The following NRCAM variants were observed in gnomAD, a reference collection of about 807,000 sequenced individuals.
NRCAM encodes NgCAM-related cell adhesion molecule.
In NRCAM, 83 loss-of-function variants were observed where a neutral mutation model predicts 156.5. The observed-to-expected ratio is 0.53, with a 90% CI of 0.44 to 0.64. The LOEUF (loss-of-function observed/expected upper bound fraction) is 0.64. Among genes scored for constraint, NRCAM ranks in the 30% least tolerant of loss-of-function variants. The pLI is 0.00. For missense variants in NRCAM, 1,417 were observed against 1,597.3 expected (o/e 0.89, Z 1.92); for synonymous variants, 538 against 563.9 (o/e 0.95, Z 0.65).
intron 13 of NRCAM, among the ~76,000 whole-genome samples, chr7:108,204,023 G>A (rs984977200): frequency 2.0e-5 from 3 of 151,998 alleles, no homozygotes; most frequent in East Asian, 1.9e-4. Context: ...TCCTTCCCCC[G>A]TCTCCCAGCC....
At chr7:108,331,175 G>T (rs865957672) in intron 2 of NRCAM, among the ~76,000 whole-genome samples, 1 of 152,144 alleles carries the variant, frequency 6.6e-6, no homozygotes, top group Non-Finnish European at 1.5e-5. Flanking sequence ...GAGGCAGAAA[G>T]ATTGCTTGAG....
chr7:108,285,619 C>T (rs1255084346), intron 3 of NRCAM, among the ~76,000 whole-genome samples: 1 of 152,182 alleles, frequency 6.6e-6, no homozygotes, highest in East Asian at 1.9e-4. Flanking sequence ...CTAGACCAGT[C>T]TCTCCAGACT....
In NRCAM at chr7:108,323,810, CA is replaced by C. The variant is rs148788745; in HGVS notation, c.-173-11080del. 8.3e-3 allele frequency among the ~76,000 whole-genome samples: 1,260 copies of C among 152,078 alleles called. 16 individuals carry two copies. The highest frequency in any genetic ancestry group is 0.029 in the African/African-American group (1,190 of 41,476). On this transcript the variant is annotated intron_variant, in intron 2 of 32. Transcript: ENST00000379028. ...AGAGTGTGAAGATAAAGAGGGGCTG[CA>C]ATTTTAAGTACAATGGTCAGGGAAA...
intron 3 of NRCAM, among the ~76,000 whole-genome samples, chr7:108,268,631 G>GC (rs1563033016): frequency 0.014 from 1,395 of 102,936 alleles, 44 homozygotes; most frequent in Non-Finnish European, 0.019. Context: ...GGGGTGGGGG[G>GC]GGGTTGGGGG....
At chr7:108,445,142 A>G (rs1186011252) in intron 1 of NRCAM, among the ~76,000 whole-genome samples, 1 of 152,220 alleles carries the variant, frequency 6.6e-6, no homozygotes, top group East Asian at 1.9e-4. Context: ...AAAATTATTG[A>G]CTGTCCTTTT....
At chr7:108,158,367 G>GA (rs1301677111) in intron 32 of NRCAM, among the ~76,000 whole-genome samples, 1 of 152,116 alleles carries the variant, frequency 6.6e-6, no homozygotes, top group Non-Finnish European at 1.5e-5. Flanking sequence ...CCTGGAAAAT[G>GA]ATATGAAAAT....
chr7:108,167,395 A>G (rs541152736), intron 29 of NRCAM, among the ~76,000 whole-genome samples: 10 of 152,332 alleles, frequency 6.6e-5, no homozygotes, highest in African/African-American at 2.4e-4. Context: ...AGTTTCTCTA[A>G]AGATGTTTCT....
Position 108,147,770 on chromosome 7 carries a change from G to A in NRCAM, c.*2140C>T, listed in dbSNP as rs918997255. 1 of 152,550 alleles carries A rather than the reference G, an allele frequency of 6.6e-6. No homozygotes were observed. Among genetic ancestry groups the A allele is most frequent in the African/African-American group, 2.4e-5 (1 of 41,422 alleles). 9.4% of individuals were successfully genotyped at this position (152,550 alleles called of 1,614,324 possible). A position where few individuals can be genotyped will look rare whatever the true frequency, so the allele number is the denominator to read the frequency against. On this transcript the variant is annotated 3_prime_UTR_variant, in exon 33 of 33. Transcript: ENST00000379028. ...AATTGGGAACATAAATTACAAAAGAGAGAGGAACTTTTAAAACCACATTTA... is the reference window on the plus strand; with the variant it reads ...AATTGGGAACATAAATTACAAAAGAAAGAGGAACTTTTAAAACCACATTTA...
intron 2 of NRCAM, among the ~76,000 whole-genome samples, chr7:108,385,476 GA>G (rs1296926345): frequency 6.6e-6 from 1 of 152,234 alleles, no homozygotes; most frequent in African/African-American, 2.4e-5. Context: ...GCTCAAATGA[GA>G]AAGGTTTAGG....
chr7:108,304,627 C>A (rs2098688460), intron 3 of NRCAM, among the ~76,000 whole-genome samples: 1 of 152,056 alleles, frequency 6.6e-6, no homozygotes, highest in East Asian at 1.9e-4. Context: ...CCAATGAGAC[C>A]CAAATGACTT....
Position 108,300,160 on chromosome 7 carries a change from C to CTTTTTTTTT in NRCAM, c.-107+12496_-107+12504dup, listed in dbSNP as rs10665036. Reference sequence around the variant, plus strand: ...TAATCCTTCCCCAAATTTCTGTTGACTTTTTTTTTTTTTTTTTTTTTTTTT... The same window carrying CTTTTTTTTT: ...TAATCCTTCCCCAAATTTCTGTTGACTTTTTTTTTTTTTTTTTTTTTTTTTTTTTTTTTT... On this transcript the variant is annotated intron_variant, in intron 3 of 32. Transcript: ENST00000379028. Among the ~76,000 whole-genome samples, 40 of 65,868 alleles carry CTTTTTTTTT rather than the reference C, an allele frequency of 6.1e-4. 3 individuals carry two copies. Among genetic ancestry groups the CTTTTTTTTT allele is most frequent in the African/African-American group, 2.0e-3 (35 of 17,664 alleles). The allele number at this position is 65,868 out of a possible 152,430, so 43.2% of individuals were successfully genotyped here.
At chr7:108,272,919 C>T (rs2097423384) in intron 3 of NRCAM, among the ~76,000 whole-genome samples, 1 of 152,040 alleles carries the variant, frequency 6.6e-6, no homozygotes, top group Non-Finnish European at 1.5e-5. Flanking sequence ...GCCAACAGGC[C>T]CTGGTGTGTG....
At chr7:108,426,022 G>T (rs1816834075) in intron 1 of NRCAM, among the ~76,000 whole-genome samples, 1 of 152,168 alleles carries the variant, frequency 6.6e-6, no homozygotes, top group African/African-American at 2.4e-5. Context: ...ATACAAAGAT[G>T]ACACTAATGC....
intron 11 of NRCAM, among the ~76,000 whole-genome samples, chr7:108,218,081 T>A (rs1234894332): frequency 6.6e-6 from 1 of 151,920 alleles, no homozygotes; most frequent in Non-Finnish European, 1.5e-5. Context: ...GGTCTGTGGA[T>A]TGCAAAGACC....
chr7:108,238,396 G>C (rs988508924), intron 4 of NRCAM, among the ~76,000 whole-genome samples: 4 of 152,136 alleles, frequency 2.6e-5, no homozygotes, highest in Non-Finnish European at 5.9e-5. Flanking sequence ...TCATGTAGTA[G>C]AGAAACGATG....
In NRCAM at chr7:108,265,647, T is replaced by G. The variant is rs899789005; in HGVS notation, c.-106-25477A>C. 3.3e-5 allele frequency among the ~76,000 whole-genome samples: 5 copies of G among 152,378 alleles called. No homozygotes were observed. In the South Asian group the frequency reaches 8.3e-4, roughly 25 times the overall value. On this transcript the variant is annotated intron_variant, in intron 3 of 32. Coordinates refer to ENST00000379028, the MANE Select transcript of NRCAM (RefSeq NM_001037132.4). The stretch of plus-strand genomic sequence containing the variant: ...TAAGCACTTACTGTGTGCCAGGCTG[T>G]CTGTGCCAAGAAATTTGCAAACATT...
chr7:108,357,019 G>A (rs900430229), intron 2 of NRCAM, among the ~76,000 whole-genome samples: 32 of 152,200 alleles, frequency 2.1e-4, no homozygotes, highest in Non-Finnish European at 4.1e-4. Context: ...CTAGAAGACC[G>A]CTATCTGCAA....
chr7:108,325,964 T>C (rs1464349443), intron 2 of NRCAM, among the ~76,000 whole-genome samples: 1 of 152,104 alleles, frequency 6.6e-6, no homozygotes, highest in African/African-American at 2.4e-5. Flanking sequence ...GAGGGGGAGA[T>C]ATTTACATAT....
intron 2 of NRCAM, among the ~76,000 whole-genome samples, chr7:108,375,947 A>G (rs2099673763): frequency 6.6e-6 from 1 of 152,222 alleles, no homozygotes; most frequent in Non-Finnish European, 1.5e-5. Flanking sequence ...ATATGACTGT[A>G]TTAGCCAGAC....
Sources: gnomAD v4.1 joint callset for allele counts (sites outside exome capture counted in the v4.1 genomes callset) on GRCh38, gnomAD v4.1.1 for gene constraint, MANE v1.5 for transcripts, NCBI Gene and HGNC (gene_info 2026-07-23, HGNC 2026-07-21) for gene names.